Variants in AIFM1 observed in about 807,000 individuals in gnomAD.
The protein encoded by AIFM1 is apoptosis inducing factor mitochondria associated 1, also known as apoptosis-inducing factor 1, mitochondrial.
AIFM1 carries 3 observed loss-of-function variants against 51.7 expected under a neutral mutation model. The ratio of observed to expected loss-of-function variants is 0.06; its 90% CI spans 0.03 to 0.15. The LOEUF (loss-of-function observed/expected upper bound fraction) is 0.15, where lower values mean the gene tolerates loss of function less well. Among genes scored for constraint, AIFM1 ranks in the 10% least tolerant of loss-of-function variants. The pLI is 1.00. For synonymous variants in AIFM1, 178 were observed against 179.4 expected, an observed-to-expected ratio of 0.99 and a Z score of 0.06; for missense variants, 330 against 476.8, an observed-to-expected ratio of 0.69 and a Z score of 2.87.
chrX:130,132,540 C>A (rs975670442), intron 13 of AIFM1, among the ~76,000 whole-genome samples: 4 of 112,084 alleles, frequency 3.6e-5, no homozygotes, highest in Non-Finnish European at 7.5e-5. Context: ...CCCTTAGCCT[C>A]CACTTTTCTT....
chrX:130,139,263 C>T (rs2030489053), intron 8 of AIFM1, among the ~76,000 whole-genome samples: 1 of 108,747 alleles, frequency 9.2e-6, no homozygotes, highest in Non-Finnish European at 1.9e-5. Context: ...ACCCGGGAGG[C>T]GGAGGTTGCA....
intron 2 of AIFM1, 82 bp downstream of exon 2, chrX:130,156,379 A>G (rs1485085529): frequency 2.6e-6 from 3 of 1,172,284 alleles, no homozygotes; most frequent in Non-Finnish European, 3.5e-6. Context: ...ATTAGTTGCA[A>G]AAGTTTTAAA....
In AIFM1 at chrX:130,140,711, T is replaced by G. The variant is rs146636229; in HGVS notation, c.697-94A>C. The G allele has an allele frequency of 6.9e-4, 472 of 685,039 alleles. 2 individuals are homozygous for G. The African/African-American group carries it at 9.1e-3, about 13-fold the overall frequency. 56.5% of individuals were successfully genotyped at this position (685,039 alleles called of 1,213,427 possible). Reference sequence around the variant, plus strand: ...ATAATTCACATCAAATTCACCATTTTAAAGTGTGGAATTCTGTGGATTTCA... The same window carrying G: ...ATAATTCACATCAAATTCACCATTTGAAAGTGTGGAATTCTGTGGATTTCA... On this transcript the variant is annotated intron_variant, in intron 6 of 15. Coordinates refer to ENST00000287295, the MANE Select transcript of AIFM1 (RefSeq NM_004208.4).
At chrX:130,132,161 C>T (rs1208377337) in intron 13 of AIFM1, among the ~76,000 whole-genome samples, 3 of 111,810 alleles carry the variant, frequency 2.7e-5, no homozygotes, top group Admixed American at 1.9e-4. Context: ...TGTGAGCCAC[C>T]GCACCCGACC....
At chrX:130,153,178 C>CAAAAAAAAAA (rs34591824) in intron 2 of AIFM1, among the ~76,000 whole-genome samples, 28 of 43,870 alleles carry the variant, frequency 6.4e-4, no homozygotes, top group African/African-American at 1.3e-3. Context: ...ACTAAAAATA[C>CAAAAAAAAAA]AAAAAAAAAA....
chrX:130,158,858 G>A (rs1420934059), intron 1 of AIFM1, among the ~76,000 whole-genome samples: 1 of 111,104 alleles, frequency 9.0e-6, no homozygotes, highest in Non-Finnish European at 1.9e-5. Context: ...AAGACAAACA[G>A]AATGGACACT....
At chrX:130,163,634 T>C (rs2031426707) in intron 1 of AIFM1, among the ~76,000 whole-genome samples, 1 of 112,291 alleles carries the variant, frequency 8.9e-6, no homozygotes, top group African/African-American at 3.2e-5. Flanking sequence ...TATTCTACAG[T>C]AGACTGCCTT....
At chrX:130,164,447 TTA>T (rs1283758977) in intron 1 of AIFM1, among the ~76,000 whole-genome samples, 3 of 112,725 alleles carry the variant, frequency 2.7e-5, no homozygotes, top group Admixed American at 9.4e-5. Context: ...TTTCCACTTT[TTA>T]TTTTTAAAGC....
At chrX:130,150,382 C>G (rs1309996028) in intron 2 of AIFM1, among the ~76,000 whole-genome samples, 1 of 79,848 alleles carries the variant, frequency 1.3e-5, no homozygotes, top group African/African-American at 5.2e-5. Context: ...GTTGCCCAGG[C>G]TGGAGTGCAG....
In AIFM1 at chrX:130,147,840, G is replaced by A; in HGVS notation, c.386C>T (p.Pro129Leu). 8.3e-7 allele frequency: 1 copy of A among 1,211,781 alleles called. No homozygotes were observed. Among genetic ancestry groups the A allele is most frequent in the Non-Finnish European group, 1.1e-6 (1 of 895,500 alleles). Residue 129 changes from proline to leucine, a missense_variant, in exon 4 of 16, where the codon CCA (proline) becomes CTA (leucine). Pro to Leu is a moderately conservative substitution (Grantham distance 98). Transcript: ENST00000287295. The stretch of plus-strand genomic sequence containing the variant: ...AATTAGCAGGAAAGGAACATGACTT[G>A]GCGCCTTGTCTTGAGGAACTTCCTC... ...EGEEVPQDKA[P>L]SHVPFLLIGG...
At chrX:130,149,188 C>T (rs2030871819) in intron 3 of AIFM1, among the ~76,000 whole-genome samples, 2 of 111,555 alleles carry the variant, frequency 1.8e-5, no homozygotes, top group Admixed American at 1.9e-4. Flanking sequence ...TCACAAAGTG[C>T]TGGGATGACA....
At chrX:130,158,600 A>G (rs1196595089) in intron 1 of AIFM1, among the ~76,000 whole-genome samples, 1 of 108,380 alleles carries the variant, frequency 9.2e-6, no homozygotes, top group Non-Finnish European at 1.9e-5. Context: ...ATCTGTCTAG[A>G]GCAGGTATAT....
intron 8 of AIFM1, among the ~76,000 whole-genome samples, chrX:130,139,548 A>G (rs925274256): frequency 9.0e-6 from 1 of 111,484 alleles, no homozygotes; most frequent in African/African-American, 3.3e-5. Context: ...ACTATGGAAG[A>G]GCAATCAGAA....
intron 5 of AIFM1, among the ~76,000 whole-genome samples, chrX:130,146,793 C>T (rs210003): frequency 0.48 from 53,363 of 110,246 alleles, 9,959 homozygotes; most frequent in African/African-American, 0.67. Context: ...TTCTAAATGC[C>T]TGCTAGGCTG....
At chrX:130,156,033 CTGT>C (rs2031151689) in intron 2 of AIFM1, among the ~76,000 whole-genome samples, 1 of 111,721 alleles carries the variant, frequency 9.0e-6, no homozygotes, top group Non-Finnish European at 1.9e-5. Flanking sequence ...TGATTGAAGG[CTGT>C]TGTTTTTTTA....
intron 6 of AIFM1, among the ~76,000 whole-genome samples, chrX:130,142,634 A>G (rs751894015): frequency 4.5e-5 from 5 of 110,599 alleles, no homozygotes; most frequent in East Asian, 2.8e-4. Context: ...TAACTTCCCA[A>G]TGGTATCTGT....
chrX:130,139,727 T>G lies in AIFM1; in HGVS notation c.858+68A>C, dbSNP rs887431376. 3.0e-5 allele frequency: 32 copies of G among 1,082,778 alleles called. No individual in the cohort carries two copies. In the South Asian group the frequency reaches 5.0e-4, roughly 17 times the overall value. The allele number at this position is 1,082,778 out of a possible 1,213,427, so 89.2% of individuals were successfully genotyped here. On this transcript the variant is annotated intron_variant, in intron 8 of 15. Coordinates refer to ENST00000287295, the MANE Select transcript of AIFM1 (RefSeq NM_004208.4). ...GATCTCCCAAGTCCCGGGTGGGCAC[T>G]TGGGGACTGCAAGATTATACTACTT...
intron 1 of AIFM1, among the ~76,000 whole-genome samples, chrX:130,161,898 C>T (rs768738055): frequency 2.7e-5 from 3 of 112,149 alleles, no homozygotes; most frequent in Admixed American, 9.4e-5. Context: ...TGAGCCACCA[C>T]GCCTAGCTAT....
chrX:130,140,931 C>T (rs1245829330), intron 6 of AIFM1, among the ~76,000 whole-genome samples: 2 of 112,152 alleles, frequency 1.8e-5, no homozygotes, highest in Non-Finnish European at 3.8e-5. Context: ...GCCTGGCCAA[C>T]ATGGCGAAAC....
Sources: gnomAD v4.1 joint callset for allele counts (sites outside exome capture counted in the v4.1 genomes callset) on GRCh38, gnomAD v4.1.1 for gene constraint, MANE v1.5 for transcripts, NCBI Gene and HGNC (gene_info 2026-07-23, HGNC 2026-07-21) for gene names.